LY9: variants seen among roughly 807,000 people sequenced by gnomAD.
The protein encoded by LY9 is lymphocyte antigen 9.
A neutral mutation model predicts 64.6 loss-of-function variants in LY9; 59 were observed. The ratio of observed to expected loss-of-function variants is 0.91; its 90% confidence interval spans 0.74 to 1.13. The LOEUF is 1.13. Ranked by LOEUF, LY9 falls within the 50% of genes most tolerant of loss-of-function variation. LY9 has a pLI of 0.00. For missense variants in LY9, 789 were observed against 797.2 expected (o/e 0.99, Z 0.12); for synonymous variants, 281 against 308.5 (o/e 0.91, Z 0.93).
intron 2 of LY9, chr1:160,812,124 G>A (rs1379512589): frequency 6.6e-6 from 1 of 152,290 alleles, no homozygotes; most frequent in Non-Finnish European, 1.5e-5. Flanking sequence ...GCCAATGAAG[G>A]TATCAGCGGC....
chr1:160,800,009 A>T lies in LY9; in HGVS notation c.381A>T (p.Gly127=). Residue 127 remains glycine (G), a synonymous_variant, in exon 2 of 10, where the codon GGA becomes GGT. Transcript: ENST00000263285. Reference sequence around the variant, plus strand: ...GCAATCTGACTCTGAATGATGCAGGATCCTACAAAGCCCAGATAAACCAAA... The same window carrying T: ...GCAATCTGACTCTGAATGATGCAGGTTCCTACAAAGCCCAGATAAACCAAA... The part of the protein sequence containing the change: ...CISNLTLNDA[G]SYKAQINQRN... 6.2e-7 allele frequency: 1 copy of T among 1,614,212 alleles called. No homozygotes were observed. Among genetic ancestry groups the T allele is most frequent in the Non-Finnish European group, 8.5e-7 (1 of 1,180,026 alleles).
chr1:160,800,210 C>A (rs765224311), intron 2 of LY9, 128 bp downstream of exon 2: 10 of 667,546 alleles, frequency 1.5e-5, no homozygotes, highest in Non-Finnish European at 2.6e-5. Flanking sequence ...TTCAGTGTGT[C>A]TGCTGCCTGA....
intron 1 of LY9, 56 bp from the exon 2 acceptor site, chr1:160,799,694 AAAG>A: frequency 9.5e-7 from 1 of 1,053,232 alleles, no homozygotes. Context: ...AGAGTGAAAG[AAAG>A]AAGGCTAGCT....
chr1:160,806,652 T>C (rs1186115223), intron 2 of LY9, among the ~76,000 whole-genome samples: 1 of 152,206 alleles, frequency 6.6e-6, no homozygotes, highest in African/African-American at 2.4e-5. Flanking sequence ...CTCTTACTGT[T>C]TTTATGATTT....
intron 4 of LY9, 38 bp from the exon 5 acceptor site, chr1:160,816,556 G>A (rs1250165212): frequency 6.5e-7 from 1 of 1,548,832 alleles, no homozygotes; most frequent in Non-Finnish European, 8.8e-7. Context: ...TCAGGGGGCA[G>A]GCCTGATTCC....
intron 5 of LY9, among the ~76,000 whole-genome samples, chr1:160,817,071 T>C (rs1354918240): frequency 2.6e-5 from 4 of 152,242 alleles, no homozygotes; most frequent in African/African-American, 9.6e-5. Context: ...TAAAGTTATT[T>C]TAATAATATG....
intron 9 of LY9, among the ~76,000 whole-genome samples, chr1:160,825,089 TC>T (rs1214731517): frequency 2.0e-5 from 3 of 151,610 alleles, no homozygotes; most frequent in Admixed American, 1.3e-4. Context: ...ACACCTGTAG[TC>T]CCAGCTACTT....
intron 6 of LY9, 73 bp downstream of exon 6, chr1:160,818,392 C>T (rs1398271874): frequency 1.8e-6 from 2 of 1,105,646 alleles, no homozygotes; most frequent in Middle Eastern, 2.4e-4. Flanking sequence ...CTTCTCTGCC[C>T]TCACACAATC....
chr1:160,821,925 C>T (rs1463616750), intron 7 of LY9, among the ~76,000 whole-genome samples: 1 of 152,170 alleles, frequency 6.6e-6, no homozygotes, highest in Non-Finnish European at 1.5e-5. Flanking sequence ...TTAATCTTTA[C>T]GTGCCCGAGT....
chr1:160,813,923 C>A lies in LY9; in HGVS notation c.730+12C>A. ...GCAGTTCTGTACAGGTAACTGGCTC[C>A]AACTTGGCCCTTGAGGGAATTCCAG... On this transcript the variant is annotated intron_variant, in intron 3 of 9. Coordinates refer to ENST00000263285, the MANE Select transcript of LY9 (RefSeq NM_002348.4). 1 of 1,606,544 alleles carries A rather than the reference C, an allele frequency of 6.2e-7. No individual in the cohort carries two copies. The highest frequency in any genetic ancestry group is 8.5e-7 in the Non-Finnish European group (1 of 1,176,256).
chr1:160,800,377 A>G (rs1049722815), intron 2 of LY9: 6 of 165,658 alleles, frequency 3.6e-5, no homozygotes, highest in Admixed American at 8.4e-5. Context: ...AGTCTCTGCT[A>G]TCTATCTTTC....
At chr1:160,826,811 G>C (rs574063407) in intron 9 of LY9, among the ~76,000 whole-genome samples, 4 of 152,280 alleles carry the variant, frequency 2.6e-5, no homozygotes, top group Admixed American at 2.6e-4. Context: ...ACTTTGCCTT[G>C]GAACCTAAGG....
At chr1:160,796,570 T>G (rs532895639) in intron 1 of LY9, among the ~76,000 whole-genome samples, 28 of 152,136 alleles carry the variant, frequency 1.8e-4, no homozygotes, top group Admixed American at 4.6e-4. Context: ...TCTTTGTATT[T>G]TTAGTAGGGG....
At chr1:160,815,749 C>T (rs1037602421) in intron 4 of LY9, among the ~76,000 whole-genome samples, 5 of 152,184 alleles carry the variant, frequency 3.3e-5, no homozygotes, top group African/African-American at 9.6e-5. Context: ...GGGGTGAAAT[C>T]AGAGAAGACT....
Position 160,816,823 on chromosome 1 carries a change from C to T in LY9, c.1302C>T (p.Ser434=), listed in dbSNP as rs765576030. 2 of 1,614,228 alleles carry T rather than the reference C, an allele frequency of 1.2e-6. No individual in the cohort carries two copies. The highest frequency in any genetic ancestry group is 1.7e-6 in the Non-Finnish European group (2 of 1,180,040). ...CATGCACAGCCAGCAACCCTGTCAG[C>T]AGGAGTTCCCACCAGTTTCTTTCTG... is the stretch of plus-strand genomic sequence containing the variant. The part of the protein sequence containing the change: ...NLTCTASNPV[S]RSSHQFLSEN... Residue 434 remains serine, a synonymous_variant, in exon 5 of 10, where the codon AGC becomes AGT. Coordinates refer to ENST00000263285, the MANE Select transcript of LY9 (RefSeq NM_002348.4).
intron 1 of LY9, among the ~76,000 whole-genome samples, chr1:160,797,915 AGCTATGATT>A (rs1361154459): frequency 1.3e-5 from 2 of 152,114 alleles, no homozygotes; most frequent in African/African-American, 4.8e-5. Context: ...AGTTGGCAGA[AGCTATGATT>A]GTTATTATTA....
At chr1:160,801,099 G>A (rs958779065) in intron 2 of LY9, among the ~76,000 whole-genome samples, 3 of 151,882 alleles carry the variant, frequency 2.0e-5, no homozygotes, top group Non-Finnish European at 4.4e-5. Context: ...GGTATTACTG[G>A]ATCAAATGCT....
intron 1 of LY9, chr1:160,799,460 A>G: frequency 3.1e-6 from 1 of 317,988 alleles, no homozygotes; most frequent in East Asian, 5.9e-5. Context: ...GATAAGATTC[A>G]CTGAAAAATT....
At chr1:160,801,735 T>C (rs1666496614) in intron 2 of LY9, 1 of 1,361,702 alleles carries the variant, frequency 7.3e-7, no homozygotes, top group Admixed American at 1.7e-5. Context: ...TTTTATATGA[T>C]GAGAAATAGG....
Sources: gnomAD v4.1 joint callset for allele counts (sites outside exome capture counted in the v4.1 genomes callset) on GRCh38, gnomAD v4.1.1 for gene constraint, MANE v1.5 for transcripts, NCBI Gene and HGNC (gene_info 2026-07-23, HGNC 2026-07-21) for gene names.